Variants in TTC27 observed in about 807,000 individuals in gnomAD.
TTC27 encodes the protein tetratricopeptide repeat protein 27.
Under a neutral mutation model 115.9 loss-of-function variants are expected in TTC27, and 79 were observed. The observed-to-expected ratio is 0.68, with a 90% CI of 0.57 to 0.82. TTC27 has a LOEUF of 0.82. Among genes scored for constraint, TTC27 ranks in the 40% least tolerant of loss-of-function variants. The pLI is 0.00. For missense variants in TTC27, 1,054 were observed against 993.1 expected (o/e 1.06, Z -0.82); for synonymous variants, 401 against 356.0 (o/e 1.13, Z -1.42).
chr2:32,741,415 G>A lies in TTC27; in HGVS notation c.1452+4599G>A, dbSNP rs150145531. Among the ~76,000 whole-genome samples the A allele has an allele frequency of 7.8e-3, 1,183 of 151,990 alleles. 6 individuals carry two copies. Among genetic ancestry groups the A allele is most frequent in the Middle Eastern group, 0.048 (14 of 294 alleles). On this transcript the variant is annotated intron_variant, in intron 12 of 19. Transcript: ENST00000317907. ...TCCCAGCACATTGGTAGGCTGAGGC[G>A]GGCAGATCACGAGGTCAAGAGATGG...
chr2:32,780,501 G>A (rs537209042), intron 14 of TTC27, among the ~76,000 whole-genome samples: 3 of 152,236 alleles, frequency 2.0e-5, no homozygotes, highest in South Asian at 4.2e-4. Context: ...GTGCAGTGGT[G>A]CAATCTCGGC....
chr2:32,686,026 A>T (rs1330683166), intron 9 of TTC27, among the ~76,000 whole-genome samples: 1 of 152,204 alleles, frequency 6.6e-6, no homozygotes, highest in East Asian at 1.9e-4. Context: ...AGGTCAATAT[A>T]AAAAAGTCAA....
chr2:32,795,635 T>C (rs4952298), intron 16 of TTC27, among the ~76,000 whole-genome samples: 69,150 of 150,214 alleles, frequency 0.46, 16,856 homozygotes, highest in African/African-American at 0.61. Flanking sequence ...TCACTGCAAC[T>C]TCCACCTCCC....
At chr2:32,754,816 C>T (rs1461221426) in intron 12 of TTC27, among the ~76,000 whole-genome samples, 5 of 104,716 alleles carry the variant, frequency 4.8e-5, no homozygotes, top group East Asian at 2.9e-4. Flanking sequence ...GCTGGCTGGG[C>T]GGGGGGGCTG....
intron 3 of TTC27, among the ~76,000 whole-genome samples, chr2:32,639,092 A>G (rs111308947): frequency 1.3e-5 from 2 of 152,088 alleles, no homozygotes; most frequent in Non-Finnish European, 2.9e-5. Flanking sequence ...TTGGCCTCCC[A>G]AAGTGCTGGG....
chr2:32,741,740 A>G (rs1026457796), intron 12 of TTC27, among the ~76,000 whole-genome samples: 1 of 152,214 alleles, frequency 6.6e-6, no homozygotes, highest in African/African-American at 2.4e-5. Flanking sequence ...CAAGAAGTCA[A>G]TCATATTTGC....
intron 15 of TTC27, among the ~76,000 whole-genome samples, chr2:32,785,568 A>T (rs901201033): frequency 6.6e-6 from 1 of 151,940 alleles, no homozygotes; most frequent in African/African-American, 2.4e-5. Flanking sequence ...TGTGCATTCT[A>T]GTTTTTGTTA....
chr2:32,668,778 T>A (rs545799822), intron 7 of TTC27, among the ~76,000 whole-genome samples: 101 of 152,138 alleles, frequency 6.6e-4, no homozygotes, highest in African/African-American at 2.4e-3. Flanking sequence ...TTTTCAGAAT[T>A]ATTTTATTTT....
intron 7 of TTC27, among the ~76,000 whole-genome samples, chr2:32,667,654 G>A (rs1480526944): frequency 6.6e-6 from 1 of 151,222 alleles, no homozygotes; most frequent in Admixed American, 6.6e-5. Flanking sequence ...AACCTCAGGT[G>A]ATCCACCCGT....
chr2:32,741,139 T>G (rs541138143), intron 12 of TTC27, among the ~76,000 whole-genome samples: 2 of 152,390 alleles, frequency 1.3e-5, no homozygotes, highest in East Asian at 3.9e-4. Context: ...TTTGTAATTG[T>G]TGTCTGTCTA....
intron 14 of TTC27, among the ~76,000 whole-genome samples, chr2:32,779,187 T>C (rs1558339678): frequency 6.6e-6 from 1 of 151,874 alleles, no homozygotes; most frequent in Non-Finnish European, 1.5e-5. Flanking sequence ...TGCGCCACCT[T>C]ACTCCAGCCT....
Position 32,664,484 on chromosome 2 carries a change from G to A in TTC27, c.805+17G>A, listed in dbSNP as rs1438467087. 5 of 1,585,626 alleles carry A rather than the reference G, an allele frequency of 3.2e-6. No individual in the cohort carries two copies. Among genetic ancestry groups the A allele is most frequent in the African/African-American group, 1.4e-5 (1 of 73,208 alleles). On this transcript the variant is annotated intron_variant, in intron 6 of 19. Coordinates refer to ENST00000317907, the MANE Select transcript of TTC27 (RefSeq NM_017735.5). Reference sequence around the variant, plus strand: ...ATTTGACAGGTAAGACTTATTTTTTGTGGATAATTGATTTTATTTTTATGA... The same window carrying A: ...ATTTGACAGGTAAGACTTATTTTTTATGGATAATTGATTTTATTTTTATGA...
At position 32,674,224 on chromosome 2, in the gene TTC27, C is replaced by A. The variant is rs186560189; in HGVS notation, c.1052+1840C>A. Among the ~76,000 whole-genome samples the A allele has an allele frequency of 9.5e-3, 1,429 of 150,988 alleles. 11 individuals are homozygous for A. The highest frequency in any genetic ancestry group is 0.025 in the Middle Eastern group (7 of 284). On this transcript the variant is annotated intron_variant, in intron 8 of 19. Coordinates refer to ENST00000317907, the MANE Select transcript of TTC27 (RefSeq NM_017735.5). The stretch of plus-strand genomic sequence containing the variant: ...GGAGTGCAGTGGCGCGATCTCGGCT[C>A]ACTGCAACCTCCGCCTCCCAGGTTC...
rs184156644 is a variant in TTC27 at position 32,679,805 on chromosome 2, G to A, written c.1119+883G>A. Among the ~76,000 whole-genome samples, 69 of 152,114 alleles carry A rather than the reference G, an allele frequency of 4.5e-4. 1 individual carries two copies. In the East Asian group the frequency reaches 0.013, roughly 28 times the overall value. Reference sequence around the variant, plus strand: ...ATCAGGGGTTCGGACCAGCCTGGCCGACATGATGAAACCCTGTCTCTACCA... The same window carrying A: ...ATCAGGGGTTCGGACCAGCCTGGCCAACATGATGAAACCCTGTCTCTACCA... On this transcript the variant is annotated intron_variant, in intron 9 of 19. Coordinates refer to ENST00000317907, the MANE Select transcript of TTC27 (RefSeq NM_017735.5).
chr2:32,636,484 G>A (rs943713372), intron 3 of TTC27, among the ~76,000 whole-genome samples: 1 of 152,174 alleles, frequency 6.6e-6, no homozygotes, highest in African/African-American at 2.4e-5. Flanking sequence ...AAAGTGTTAG[G>A]ATTATGGTGT....
intron 13 of TTC27, among the ~76,000 whole-genome samples, chr2:32,767,409 T>A (rs1186909076): frequency 6.6e-6 from 1 of 151,092 alleles, no homozygotes; most frequent in Non-Finnish European, 1.5e-5. Flanking sequence ...GTACCCTAAA[T>A]GGAAGCCAAA....
intron 13 of TTC27, among the ~76,000 whole-genome samples, chr2:32,776,707 C>T (rs907295985): frequency 6.6e-6 from 1 of 152,156 alleles, no homozygotes; most frequent in African/African-American, 2.4e-5. Flanking sequence ...CTCCTAGGTT[C>T]AAGCGATTCT....
intron 4 of TTC27, among the ~76,000 whole-genome samples, chr2:32,644,654 C>T (rs1664781334): frequency 6.6e-6 from 1 of 151,882 alleles, no homozygotes; most frequent in Non-Finnish European, 1.5e-5. Flanking sequence ...ATCTTGAACT[C>T]CTGGCCTCAA....
At chr2:32,760,821 T>C (rs1488049937) in intron 13 of TTC27, among the ~76,000 whole-genome samples, 2 of 152,178 alleles carry the variant, frequency 1.3e-5, no homozygotes, top group African/African-American at 4.8e-5. Flanking sequence ...AATTGTTCTC[T>C]GCAGCGCACA....
Sources: gnomAD v4.1 joint callset for allele counts (sites outside exome capture counted in the v4.1 genomes callset) on GRCh38, gnomAD v4.1.1 for gene constraint, MANE v1.5 for transcripts, NCBI Gene and HGNC (gene_info 2026-07-23, HGNC 2026-07-21) for gene names.